PRELID2: variants seen among roughly 807,000 people sequenced by gnomAD.
PRELID2 encodes the protein PRELI domain-containing protein 2.
A neutral mutation model predicts 28.4 loss-of-function variants in PRELID2; 25 were observed. The ratio of observed to expected loss-of-function variants is 0.88; its 90% CI spans 0.64 to 1.23. The LOEUF (loss-of-function observed/expected upper bound fraction) is 1.23. PRELID2 is among the 50% of genes most tolerant of loss of function. The pLI, the probability that PRELID2 is intolerant of heterozygous loss-of-function variation, is 0.00. For missense variants in PRELID2, 201 were observed against 214.4 expected (o/e 0.94, Z 0.39); for synonymous variants, 76 against 71.6 (o/e 1.06, Z -0.31).
At chr5:145,453,476 T>C in the PRELID2 span, among the ~76,000 whole-genome samples, 1 of 152,228 alleles carries the variant, frequency 6.6e-6, no homozygotes, top group Non-Finnish European at 1.5e-5. Context: ...TTTATATTTT[T>C]ATTCTACTTT....
chr5:145,284,066 A>C, the PRELID2 span, among the ~76,000 whole-genome samples: 1 of 152,168 alleles, frequency 6.6e-6, no homozygotes, highest in Non-Finnish European at 1.5e-5. Flanking sequence ...TTGAATTTCA[A>C]AAGTTATTAC....
intron 1 of PRELID2, among the ~76,000 whole-genome samples, chr5:145,610,432 A>T (rs1753597301): frequency 6.6e-6 from 1 of 151,874 alleles, no homozygotes; most frequent in Non-Finnish European, 1.5e-5. Flanking sequence ...AACTATCTTC[A>T]GGTTAAGAGA....
At chr5:145,453,446 G>A in the PRELID2 span, among the ~76,000 whole-genome samples, 10 of 152,068 alleles carry the variant, frequency 6.6e-5, no homozygotes, top group African/African-American at 2.4e-4. Context: ...GTTTCCCATT[G>A]CTCTTTTTTA....
At chr5:145,449,691 T>C in the PRELID2 span, among the ~76,000 whole-genome samples, 1 of 152,108 alleles carries the variant, frequency 6.6e-6, no homozygotes, top group Admixed American at 6.6e-5. Flanking sequence ...CTCCTGTCTA[T>C]ATCAACATGT....
chr5:145,229,600 C>T, the PRELID2 span: 14 of 1,259,760 alleles, frequency 1.1e-5, no homozygotes, highest in East Asian at 1.6e-4. Context: ...CAGGCAAGCA[C>T]GGTGTGGGCT....
At chr5:145,518,269 A>C (rs1016222529) in intron 1 of PRELID2, among the ~76,000 whole-genome samples, 41 of 151,952 alleles carry the variant, frequency 2.7e-4, no homozygotes, top group African/African-American at 9.9e-4. Context: ...GCACGATCTC[A>C]GCTCACTGCA....
At chr5:145,260,774 A>G in the PRELID2 span, among the ~76,000 whole-genome samples, 1 of 152,192 alleles carries the variant, frequency 6.6e-6, no homozygotes, top group Admixed American at 6.5e-5. Context: ...TTGCTCAAAG[A>G]ATTACTGCAG....
At chr5:145,446,972 C>G in the PRELID2 span, among the ~76,000 whole-genome samples, 1 of 151,752 alleles carries the variant, frequency 6.6e-6, no homozygotes, top group African/African-American at 2.4e-5. Context: ...TCACTTGAAC[C>G]TGGGAGGTGG....
intron 1 of PRELID2, among the ~76,000 whole-genome samples, chr5:145,664,374 C>A (rs930412806): frequency 1.3e-5 from 2 of 152,126 alleles, no homozygotes; most frequent in Non-Finnish European, 2.9e-5. Flanking sequence ...TACTAAGAAG[C>A]AGAATGAAGA....
At chr5:145,451,428 A>G in the PRELID2 span, among the ~76,000 whole-genome samples, 2 of 152,214 alleles carry the variant, frequency 1.3e-5, no homozygotes, top group African/African-American at 4.8e-5. Context: ...CGTTTTAAGC[A>G]TATAACCAGA....
chr5:145,373,778 A>T, the PRELID2 span, among the ~76,000 whole-genome samples: 4 of 79,314 alleles, frequency 5.0e-5, no homozygotes, highest in Admixed American at 1.8e-4. Flanking sequence ...CAACATATAT[A>T]ATATATATGA....
At chr5:145,595,161 G>GACACACACACACACAT (rs1554078064) in intron 1 of PRELID2, among the ~76,000 whole-genome samples, 277 of 131,238 alleles carry the variant, frequency 2.1e-3, no homozygotes, top group African/African-American at 7.9e-3. Flanking sequence ...AGTCATAATA[G>GACACACACACACACAT]ACACACACAC....
At chr5:145,399,976 T>C in the PRELID2 span, among the ~76,000 whole-genome samples, 8 of 151,924 alleles carry the variant, frequency 5.3e-5, no homozygotes, top group African/African-American at 9.7e-5. Flanking sequence ...CGATAACACA[T>C]AGGAATTCAA....
In PRELID2 at chr5:145,559,879, C is replaced by G. The variant is rs1261899012; in HGVS notation, n.71-86564G>C. ...AGAAGAAGAAGAAGAAAAAGAATAC[C>G]CTCTTTATTGTATAGGAGAAGAAAG... On this transcript the variant is annotated intron_variant and non_coding_transcript_variant, in intron 1 of 2. Coordinates refer to the PRELID2 transcript ENST00000510259. Among the ~76,000 whole-genome samples, 4 of 151,630 alleles carry G rather than the reference C, an allele frequency of 2.6e-5. No homozygotes were observed. In the South Asian group the frequency reaches 8.4e-4, roughly 32 times the overall value.
the PRELID2 span, among the ~76,000 whole-genome samples, chr5:145,310,266 A>G: frequency 6.6e-6 from 1 of 152,214 alleles, no homozygotes; most frequent in African/African-American, 2.4e-5. Flanking sequence ...TTAGCTTCCT[A>G]TGTAGTTTGG....
the PRELID2 span, among the ~76,000 whole-genome samples, chr5:145,405,698 A>G: frequency 1.8e-5 from 2 of 111,348 alleles, no homozygotes; most frequent in African/African-American, 6.7e-5. Context: ...GGTACCACAT[A>G]GTTGTTTTTT....
At chr5:145,602,955 G>A (rs1327416062) in intron 1 of PRELID2, among the ~76,000 whole-genome samples, 2 of 152,130 alleles carry the variant, frequency 1.3e-5, no homozygotes, top group African/African-American at 4.8e-5. Context: ...GGGAGGCTGA[G>A]GCATGAGAAT....
intron 1 of PRELID2, among the ~76,000 whole-genome samples, chr5:145,555,508 G>T (rs1425574211): frequency 6.6e-6 from 1 of 152,116 alleles, no homozygotes; most frequent in East Asian, 1.9e-4. Context: ...GAGTATTATT[G>T]TCTTCCCTGT....
the PRELID2 span, among the ~76,000 whole-genome samples, chr5:145,266,204 C>G: frequency 6.6e-6 from 1 of 152,002 alleles, no homozygotes; most frequent in South Asian, 2.1e-4. Flanking sequence ...GGGGAAGCTA[C>G]TGCTACTTAG....
Sources: allele counts gnomAD v4.1 joint callset (sites outside exome capture counted in the v4.1 genomes callset), GRCh38; gene constraint gnomAD v4.1.1; transcripts MANE v1.5; gene names NCBI Gene and HGNC (gene_info 2026-07-23, HGNC 2026-07-21).